Variants in REEP1 observed in about 807,000 individuals in gnomAD.
REEP1 encodes receptor accessory protein 1.
A neutral mutation model predicts 40.3 loss-of-function variants in REEP1; 22 were observed. The ratio of observed to expected loss-of-function variants is 0.55; its 90% CI spans 0.39 to 0.78. The LOEUF (loss-of-function observed/expected upper bound fraction) is 0.78, where lower values mean the gene tolerates loss of function less well. Among genes scored for constraint, REEP1 ranks in the 30% least tolerant of loss-of-function variants. The pLI is 0.00. For missense variants in REEP1, 280 were observed against 361.1 expected, an observed-to-expected ratio of 0.78 and a Z score of 1.82; for synonymous variants, 116 against 139.2, an observed-to-expected ratio of 0.83 and a Z score of 1.17.
intron 6 of REEP1, 145 bp from the exon 7 acceptor site, chr2:86,227,543 CA>C (rs1280854341): frequency 1.8e-6 from 1 of 571,154 alleles, no homozygotes; most frequent in Non-Finnish European, 2.6e-6. Context: ...TCTGTAGAGA[CA>C]CCAAAGTGGG....
chr2:86,290,369 A>G (rs1470317205), intron 1 of REEP1, among the ~76,000 whole-genome samples: 1 of 152,188 alleles, frequency 6.6e-6, no homozygotes, highest in Non-Finnish European at 1.5e-5. Context: ...CTGTTTACAC[A>G]ACTGTATAAG....
chr2:86,264,767 C>A (rs1456858330), intron 2 of REEP1, among the ~76,000 whole-genome samples: 1 of 152,122 alleles, frequency 6.6e-6, no homozygotes, highest in Admixed American at 6.5e-5. Context: ...AAACACCAAA[C>A]AAAATATTTC....
At chr2:86,307,412 T>C (rs1679545522) in intron 1 of REEP1, among the ~76,000 whole-genome samples, 1 of 152,198 alleles carries the variant, frequency 6.6e-6, no homozygotes, top group Non-Finnish European at 1.5e-5. Flanking sequence ...CCAAAAGGAT[T>C]TATGATACAC....
rs993938531 is a variant in REEP1, at chr2:86,220,139, A to G, written c.632-18T>C. On this transcript the variant is annotated intron_variant, in intron 7 of 8. Transcript: ENST00000538924. ...CTCAACCACTTAATGTCCATTTACAATCTACACAGATGAGACAAGGTATAG... is the reference window on the plus strand; with the variant it reads ...CTCAACCACTTAATGTCCATTTACAGTCTACACAGATGAGACAAGGTATAG... The G allele has an allele frequency of 4.1e-6, 5 of 1,230,928 alleles. No individual in the cohort carries two copies. The highest frequency in any genetic ancestry group is 5.1e-6 in the Non-Finnish European group (5 of 987,010). The allele number at this position is 1,230,928 out of a possible 1,614,324, so 76.3% of individuals were successfully genotyped here.
At chr2:86,330,811 C>G (rs915286351) in intron 1 of REEP1, among the ~76,000 whole-genome samples, 1 of 152,094 alleles carries the variant, frequency 6.6e-6, no homozygotes, top group African/African-American at 2.4e-5. Context: ...TCAGTGAATG[C>G]GATGAGCAGA....
intron 1 of REEP1, among the ~76,000 whole-genome samples, chr2:86,330,414 GGTGTGTGTGTGTGTGTGTGTGTGTGT>G (rs55660803): frequency 3.1e-5 from 4 of 127,798 alleles, no homozygotes; most frequent in African/African-American, 8.8e-5. Flanking sequence ...AGTGAATCCT[GGTGTGTGTGTGTGTGTGTGTGTGTGT>G]GTGTGTGTGT....
At chr2:86,296,927 A>C (rs1679011176) in intron 1 of REEP1, among the ~76,000 whole-genome samples, 1 of 152,232 alleles carries the variant, frequency 6.6e-6, no homozygotes, top group African/African-American at 2.4e-5. Flanking sequence ...ATTGTAACAC[A>C]ACTTGGGTTC....
chr2:86,285,280 G>A (rs78924050), intron 1 of REEP1, among the ~76,000 whole-genome samples: 2,408 of 152,220 alleles, frequency 0.016, 53 homozygotes, highest in African/African-American at 0.052. Flanking sequence ...CTGATAAAGC[G>A]CCACTAATCC....
chr2:86,248,453 T>C (rs1676088416), intron 5 of REEP1, among the ~76,000 whole-genome samples: 1 of 151,926 alleles, frequency 6.6e-6, no homozygotes, highest in African/African-American at 2.4e-5. Context: ...TTTTACTTAT[T>C]TATTTATTTA....
chr2:86,248,296 A>C (rs1037479413), intron 5 of REEP1, among the ~76,000 whole-genome samples: 4 of 152,196 alleles, frequency 2.6e-5, no homozygotes, highest in Non-Finnish European at 5.9e-5. Context: ...GAGAGTGAGA[A>C]CTGATTTGTA....
At chr2:86,304,469 C>G (rs977303303) in intron 1 of REEP1, among the ~76,000 whole-genome samples, 27 of 152,254 alleles carry the variant, frequency 1.8e-4, no homozygotes, top group Admixed American at 1.4e-3. Flanking sequence ...CTACCTACCC[C>G]CTAAAAGAAA....
intron 1 of REEP1, among the ~76,000 whole-genome samples, chr2:86,292,348 C>CA (rs1413768142): frequency 1.3e-5 from 2 of 152,186 alleles, no homozygotes; most frequent in Admixed American, 1.3e-4. Context: ...CTTTTAACCA[C>CA]AAAATGTTTT....
rs58794926 is a variant in REEP1, at chr2:86,309,804, G to A, written c.33-27562C>T. Among the ~76,000 whole-genome samples, 9 of 152,262 alleles carry A rather than the reference G, an allele frequency of 5.9e-5. No individual in the cohort carries two copies. In the East Asian group the frequency reaches 1.5e-3, roughly 26 times the overall value. On this transcript the variant is annotated intron_variant, in intron 1 of 8. Coordinates refer to ENST00000538924, the MANE Select transcript of REEP1 (RefSeq NM_001371279.1). ...TAAACTTAACTATCTCCCAAAGGCC[G>A]CATCTCCAAATACCATCACATTGGG...
At chr2:86,301,022 C>A (rs1380651973) in intron 1 of REEP1, among the ~76,000 whole-genome samples, 2 of 152,168 alleles carry the variant, frequency 1.3e-5, no homozygotes, top group African/African-American at 4.8e-5. Flanking sequence ...AGCCAAGAAT[C>A]CAATTAAGCA....
chr2:86,306,724 T>A (rs929998125), intron 1 of REEP1, among the ~76,000 whole-genome samples: 10 of 152,186 alleles, frequency 6.6e-5, no homozygotes, highest in Non-Finnish European at 1.2e-4. Context: ...AGAACACATG[T>A]ATTTACTCTT....
At chr2:86,282,419 C>A (rs1052288455) in intron 1 of REEP1, among the ~76,000 whole-genome samples, 177 bp from the exon 2 acceptor site, 1 of 152,088 alleles carries the variant, frequency 6.6e-6, no homozygotes, top group African/African-American at 2.4e-5. Context: ...CATCCTTGGG[C>A]ACCTCTATCT....
intron 2 of REEP1, among the ~76,000 whole-genome samples, chr2:86,269,826 C>T (rs751409572): frequency 5.9e-5 from 9 of 151,598 alleles, no homozygotes; most frequent in Non-Finnish European, 1.3e-4. Flanking sequence ...TGATAAAGCA[C>T]TTATATTTAA....
intron 2 of REEP1, among the ~76,000 whole-genome samples, chr2:86,277,454 G>A (rs987838428): frequency 6.6e-6 from 1 of 151,906 alleles, no homozygotes; most frequent in South Asian, 2.1e-4. Context: ...TACTGGGGAG[G>A]CTGAGGCAGG....
At position 86,290,527 on chromosome 2, in the gene REEP1, C is replaced by G. The variant is rs17027119; in HGVS notation, c.33-8285G>C. Among the ~76,000 whole-genome samples, 1,110 of 152,284 alleles carry G rather than the reference C, an allele frequency of 7.3e-3. 16 individuals are homozygous for G. The highest frequency in any genetic ancestry group is 0.026 in the African/African-American group (1,071 of 41,556). ...GTGTCGTGGCTCTCCAAAAGTGGAT[C>G]AAGTTGACCTGAGCATCAGCCTCCA... is the stretch of plus-strand genomic sequence containing the variant. On this transcript the variant is annotated intron_variant, in intron 1 of 8. Transcript: ENST00000538924.
Sources: gnomAD v4.1 joint callset for allele counts (sites outside exome capture counted in the v4.1 genomes callset) on GRCh38, gnomAD v4.1.1 for gene constraint, MANE v1.5 for transcripts, NCBI Gene and HGNC (gene_info 2026-07-23, HGNC 2026-07-21) for gene names.